The following OSTF1 variants were observed in gnomAD, a reference collection of about 807,000 sequenced individuals.
OSTF1 encodes the protein osteoclast-stimulating factor 1.
In OSTF1, 27 loss-of-function variants were observed where a neutral mutation model predicts 37.2. The observed-to-expected ratio is 0.73, with a 90% confidence interval of 0.54 to 1.00. The LOEUF (loss-of-function observed/expected upper bound fraction) is 1.00, where lower values mean the gene tolerates loss of function less well. Ranked by LOEUF, OSTF1 falls within the 50% of genes least tolerant of loss-of-function variation. OSTF1 has a pLI of 0.00. For missense variants in OSTF1, 232 were observed against 253.8 expected (o/e 0.91, Z 0.58); for synonymous variants, 82 against 89.2 (o/e 0.92, Z 0.46).
chr9:75,122,202 A>G (rs78880718), intron 2 of OSTF1, among the ~76,000 whole-genome samples: 7,245 of 152,264 alleles, frequency 0.048, 220 homozygotes, highest in Middle Eastern at 0.078. Context: ...TTGATTTCCA[A>G]AGGGAAACCA....
chr9:75,136,914 C>T (rs986651664), intron 7 of OSTF1, among the ~76,000 whole-genome samples: 13 of 152,154 alleles, frequency 8.5e-5, no homozygotes, highest in African/African-American at 2.9e-4. Flanking sequence ...TATGTGCACA[C>T]TGGGCAGTGG....
intron 9 of OSTF1, among the ~76,000 whole-genome samples, chr9:75,145,146 TC>T (rs1409285656): frequency 6.1e-5 from 4 of 65,494 alleles, no homozygotes; most frequent in Admixed American, 4.9e-4. Context: ...TGCCTATCTA[TC>T]TATCTATCTA....
intron 2 of OSTF1, among the ~76,000 whole-genome samples, chr9:75,122,796 C>A (rs1447971332): frequency 6.6e-6 from 1 of 152,150 alleles, no homozygotes; most frequent in Non-Finnish European, 1.5e-5. Context: ...AATGCCCAGA[C>A]CAGTACGTGG....
rs757146091 is a variant in OSTF1, at chr9:75,107,159, A to G, written c.35-10345A>G. Among the ~76,000 whole-genome samples the G allele has an allele frequency of 3.8e-4, 57 of 149,074 alleles. 2 individuals are homozygous for G. The highest frequency in any genetic ancestry group is 3.2e-4 in the Non-Finnish European group (22 of 67,868). On this transcript the variant is annotated intron_variant, in intron 1 of 9. Coordinates refer to ENST00000346234, the MANE Select transcript of OSTF1 (RefSeq NM_012383.5). Reference sequence around the variant, plus strand: ...AGTACAGCTGTTTTCTGTCACCCCAAGAATAAAAAATGATGGCCTTAACTC... The same window carrying G: ...AGTACAGCTGTTTTCTGTCACCCCAGGAATAAAAAATGATGGCCTTAACTC...
At chr9:75,099,134 C>T (rs1825144102) in intron 1 of OSTF1, among the ~76,000 whole-genome samples, 1 of 152,154 alleles carries the variant, frequency 6.6e-6, no homozygotes, top group Admixed American at 6.5e-5. Context: ...AATGGGGTTT[C>T]ATCATGTTGG....
chr9:75,101,658 TC>T (rs1825195777), intron 1 of OSTF1, among the ~76,000 whole-genome samples: 1 of 152,198 alleles, frequency 6.6e-6, no homozygotes, highest in Non-Finnish European at 1.5e-5. Flanking sequence ...TTATAATCTT[TC>T]TCCTATGTCC....
intron 1 of OSTF1, among the ~76,000 whole-genome samples, chr9:75,106,912 C>G (rs965552615): frequency 1.3e-5 from 2 of 150,014 alleles, no homozygotes; most frequent in African/African-American, 4.9e-5. Context: ...CCAGATTATG[C>G]CACTGCACTC....
chr9:75,144,657 A>G (rs909380820), intron 9 of OSTF1, among the ~76,000 whole-genome samples: 1 of 151,896 alleles, frequency 6.6e-6, no homozygotes, highest in African/African-American at 2.4e-5. Flanking sequence ...CTTTTTCTCA[A>G]TAATCATTTT....
intron 1 of OSTF1, among the ~76,000 whole-genome samples, chr9:75,090,294 GGTGTGTGTGTGTGTGTGTGTGTGTGT>G (rs3837221): frequency 6.7e-6 from 1 of 149,346 alleles, no homozygotes; most frequent in Admixed American, 6.7e-5. Context: ...GACATTGACA[GGTGTGTGTGTGTGTGTGTGTGTGTGT>G]GTGTGTGTGT....
At chr9:75,105,620 G>A (rs1165121730) in intron 1 of OSTF1, among the ~76,000 whole-genome samples, 1 of 150,864 alleles carries the variant, frequency 6.6e-6, no homozygotes, top group Non-Finnish European at 1.5e-5. Flanking sequence ...CTTTTGCGGA[G>A]GTGGCATGAT....
chr9:75,088,753 C>G (rs1187655188), intron 1 of OSTF1, 27 bp downstream of exon 1: 6 of 1,594,902 alleles, frequency 3.8e-6, no homozygotes, highest in Non-Finnish European at 5.1e-6. Context: ...AGGCGCTTGC[C>G]AGGTCCTGCG....
intron 1 of OSTF1, among the ~76,000 whole-genome samples, chr9:75,116,489 G>T (rs1418252090): frequency 6.6e-6 from 1 of 152,090 alleles, no homozygotes; most frequent in Admixed American, 6.5e-5. Context: ...TGCAGTCTAC[G>T]AAGAGAGAAA....
chr9:75,109,720 T>G (rs1055935848), intron 1 of OSTF1, among the ~76,000 whole-genome samples: 2 of 152,214 alleles, frequency 1.3e-5, no homozygotes, highest in Non-Finnish European at 2.9e-5. Flanking sequence ...TTTCTAGTTA[T>G]GTTCCACTCC....
At chr9:75,099,565 C>T (rs1238363957) in intron 1 of OSTF1, among the ~76,000 whole-genome samples, 1 of 152,116 alleles carries the variant, frequency 6.6e-6, no homozygotes, top group East Asian at 1.9e-4. Context: ...TGGTGGCTCA[C>T]GCCTGTAATC....
At chr9:75,106,237 T>C (rs1222837073) in intron 1 of OSTF1, among the ~76,000 whole-genome samples, 1 of 152,132 alleles carries the variant, frequency 6.6e-6, no homozygotes, top group African/African-American at 2.4e-5. Flanking sequence ...AATCCAAGAG[T>C]ATAAGTAGGC....
At chr9:75,093,248 A>G (rs115434887) in intron 1 of OSTF1, among the ~76,000 whole-genome samples, 2,723 of 152,166 alleles carry the variant, frequency 0.018, 90 homozygotes, top group African/African-American at 0.063. Flanking sequence ...AGTTTTACAC[A>G]TATAGCATTT....
At chr9:75,105,617 G>A (rs1023409806) in intron 1 of OSTF1, among the ~76,000 whole-genome samples, 6 of 151,486 alleles carry the variant, frequency 4.0e-5, no homozygotes, top group African/African-American at 4.8e-5. Flanking sequence ...TGCCTTTTGC[G>A]GAGGTGGCAT....
chr9:75,092,431 G>A (rs554248580), intron 1 of OSTF1, among the ~76,000 whole-genome samples: 1 of 152,256 alleles, frequency 6.6e-6, no homozygotes, highest in South Asian at 2.1e-4. Context: ...AATAATCTAT[G>A]GTGTCATTCA....
At chr9:75,134,246 G>T in intron 6 of OSTF1, 100 bp from the exon 7 acceptor site, 2 of 513,044 alleles carry the variant, frequency 3.9e-6, no homozygotes, top group Non-Finnish European at 7.1e-6. Context: ...TTTCTTGAAG[G>T]TTCTTCTGAA....
Sources: allele counts gnomAD v4.1 joint callset (sites outside exome capture counted in the v4.1 genomes callset), GRCh38; gene constraint gnomAD v4.1.1; transcripts MANE v1.5; gene names NCBI Gene and HGNC (gene_info 2026-07-23, HGNC 2026-07-21).